Variants in SYNPR observed in about 807,000 individuals in gnomAD.
SYNPR encodes synaptoporin.
Under a neutral mutation model 32.9 loss-of-function variants are expected in SYNPR, and 23 were observed. The observed-to-expected ratio is 0.70, with a 90% CI of 0.50 to 0.99. The LOEUF is 0.99. Ranked by LOEUF, SYNPR falls within the 50% of genes least tolerant of loss-of-function variation. SYNPR has a pLI of 0.00. For missense variants in SYNPR, 318 were observed against 349.3 expected (o/e 0.91, Z 0.71); for synonymous variants, 146 against 135.9 (o/e 1.07, Z -0.52).
chr3:63,583,047 G>A (rs1280349003), intron 4 of SYNPR, among the ~76,000 whole-genome samples: 1 of 152,074 alleles, frequency 6.6e-6, no homozygotes, highest in Non-Finnish European at 1.5e-5. Context: ...CAGCTTTATA[G>A]GACTGGGGTA....
At chr3:63,528,633 A>AT (rs34339185) in intron 3 of SYNPR, among the ~76,000 whole-genome samples, 45,084 of 150,430 alleles carry the variant, frequency 0.3, 7,144 homozygotes, top group Admixed American at 0.4. Flanking sequence ...AAGAAGATGC[A>AT]TTTTTTTTTT....
chr3:63,540,918 A>ACACACACAC (rs60994493), intron 3 of SYNPR, among the ~76,000 whole-genome samples: 4 of 89,794 alleles, frequency 4.5e-5, no homozygotes, highest in African/African-American at 2.0e-4. Flanking sequence ...ACACACACAC[A>ACACACACAC]ATCCCCCCCC....
chr3:63,583,855 GA>G (rs1559542901), intron 4 of SYNPR, among the ~76,000 whole-genome samples: 1 of 152,054 alleles, frequency 6.6e-6, no homozygotes, highest in Admixed American at 6.6e-5. Context: ...TCTGACTGCA[GA>G]TCCTATTCAG....
At position 63,416,815 on chromosome 3, in the gene SYNPR, C is replaced by T. The variant is rs549693624; in HGVS notation, c.85-64017C>T. Among the ~76,000 whole-genome samples the T allele has an allele frequency of 5.3e-5, 8 of 152,198 alleles. No individual in the cohort carries two copies. The South Asian group carries it at 1.5e-3, about 28-fold the overall frequency. On this transcript the variant is annotated intron_variant, in intron 2 of 5. Transcript: ENST00000478300. ...ACCATCAGATCTCATGAGACTTATT[C>T]ACTATCACAAGAACAGCACAGGAAA...
At chr3:63,259,858 T>C (rs544930864) in intron 2 of SYNPR, among the ~76,000 whole-genome samples, 2 of 152,326 alleles carry the variant, frequency 1.3e-5, no homozygotes, top group South Asian at 2.1e-4. Flanking sequence ...CTTAAGGTGA[T>C]AGACAACTTC....
At chr3:63,483,799 T>C (rs970043025) in intron 3 of SYNPR, among the ~76,000 whole-genome samples, 2 of 152,188 alleles carry the variant, frequency 1.3e-5, no homozygotes, top group Non-Finnish European at 2.9e-5. Context: ...CTCAGCAATT[T>C]GAAGTAGGAG....
At chr3:63,480,448 A>T (rs1701023576) in intron 2 of SYNPR, among the ~76,000 whole-genome samples, 1 of 152,194 alleles carries the variant, frequency 6.6e-6, no homozygotes, top group Non-Finnish European at 1.5e-5. Context: ...GAAGAAAGCA[A>T]GGATACACCC....
At chr3:63,259,827 A>G (rs1389867478) in intron 2 of SYNPR, among the ~76,000 whole-genome samples, 1 of 152,200 alleles carries the variant, frequency 6.6e-6, no homozygotes, top group Non-Finnish European at 1.5e-5. Context: ...AGAAAACCCC[A>G]TCGTCTCAGC....
At chr3:63,557,589 G>A (rs919036034) in intron 4 of SYNPR, among the ~76,000 whole-genome samples, 4 of 152,116 alleles carry the variant, frequency 2.6e-5, no homozygotes, top group African/African-American at 9.7e-5. Context: ...ATATAAGGAG[G>A]TTTACTATTT....
At chr3:63,501,606 T>A (rs926278794) in intron 3 of SYNPR, among the ~76,000 whole-genome samples, 1 of 151,970 alleles carries the variant, frequency 6.6e-6, no homozygotes, top group African/African-American at 2.4e-5. Context: ...AAGTGCTTAA[T>A]AAATATGATG....
chr3:63,233,535 C>G (rs2086180587), intron 1 of SYNPR, among the ~76,000 whole-genome samples: 1 of 152,198 alleles, frequency 6.6e-6, no homozygotes, highest in African/African-American at 2.4e-5. Context: ...CCATGTGGAA[C>G]TCTAGAATTC....
At chr3:63,519,834 T>C (rs1476286110) in intron 3 of SYNPR, among the ~76,000 whole-genome samples, 3 of 152,198 alleles carry the variant, frequency 2.0e-5, no homozygotes, top group Non-Finnish European at 4.4e-5. Flanking sequence ...AAGTGAAATA[T>C]GAGATTTATT....
At chr3:63,592,144 G>C (rs1192302902) in intron 4 of SYNPR, among the ~76,000 whole-genome samples, 1 of 152,082 alleles carries the variant, frequency 6.6e-6, no homozygotes, top group Non-Finnish European at 1.5e-5. Context: ...CTGGAGCGGT[G>C]CATCTATAAA....
chr3:63,222,890 G>C, the SYNPR span, among the ~76,000 whole-genome samples: 1 of 152,132 alleles, frequency 6.6e-6, no homozygotes, highest in Non-Finnish European at 1.5e-5. Context: ...CTTGTACTTG[G>C]CAAGTTAGGC....
intron 2 of SYNPR, among the ~76,000 whole-genome samples, chr3:63,291,182 T>C (rs1159406189): frequency 6.6e-6 from 1 of 152,016 alleles, no homozygotes; most frequent in African/African-American, 2.4e-5. Flanking sequence ...ATCAACATCA[T>C]TGAACCTCAA....
At chr3:63,406,835 CAAT>C (rs1400144756) in intron 2 of SYNPR, among the ~76,000 whole-genome samples, 1 of 152,140 alleles carries the variant, frequency 6.6e-6, no homozygotes, top group Non-Finnish European at 1.5e-5. Context: ...AACTCCACAA[CAAT>C]GAGAAGTCAT....
intron 4 of SYNPR, among the ~76,000 whole-genome samples, chr3:63,608,441 G>T (rs73120773): frequency 6.6e-6 from 1 of 152,048 alleles, no homozygotes; most frequent in South Asian, 2.1e-4. Context: ...TATGATTATT[G>T]TAAGAATAAT....
At chr3:63,495,683 T>C (rs1212304992) in intron 3 of SYNPR, among the ~76,000 whole-genome samples, 1 of 152,182 alleles carries the variant, frequency 6.6e-6, no homozygotes, top group Non-Finnish European at 1.5e-5. Context: ...AAAATATCCT[T>C]TTTTATTAGA....
chr3:63,339,283 T>C (rs1336713290), intron 2 of SYNPR, among the ~76,000 whole-genome samples: 3 of 152,228 alleles, frequency 2.0e-5, no homozygotes, highest in Non-Finnish European at 2.9e-5. Context: ...GCTCACATGG[T>C]ACTTGCATTC....
Sources: gnomAD v4.1 joint callset for allele counts (sites outside exome capture counted in the v4.1 genomes callset) on GRCh38, gnomAD v4.1.1 for gene constraint, MANE v1.5 for transcripts, NCBI Gene and HGNC (gene_info 2026-07-23, HGNC 2026-07-21) for gene names.